Variants in SMC6 observed in about 807,000 individuals in gnomAD.
SMC6 encodes the protein structural maintenance of chromosomes 6.
A neutral mutation model predicts 142.2 loss-of-function variants in SMC6; 79 were observed. The ratio of observed to expected loss-of-function variants is 0.56; its 90% CI spans 0.46 to 0.67. SMC6 has a LOEUF of 0.67. Ranked by LOEUF, SMC6 falls within the 30% of genes least tolerant of loss-of-function variation. The probability of loss-of-function intolerance (pLI) is 0.00; values close to 1 mark genes in which losing one functional copy is unlikely to be tolerated. For missense variants in SMC6, 1,072 were observed against 1,284.0 expected, an observed-to-expected ratio of 0.83 and a Z score of 2.52; for synonymous variants, 411 against 412.4, an observed-to-expected ratio of 1.00 and a Z score of 0.04.
chr2:17,753,632 C>G lies in SMC6; in HGVS notation c.-99G>C, dbSNP rs1176669870. ...GCGCGCGCCTTCACCCTACCGCCAA[C>G]AAGTCGAAGTCTCCCAAAGGAACCT... On this transcript the variant is annotated 5_prime_UTR_variant, in exon 1 of 28. Transcript: ENST00000448223. 1.3e-5 allele frequency: 2 copies of G among 152,192 alleles called. No individual in the cohort carries two copies. The allele number at this position is 152,192 out of a possible 1,614,324, so 9.4% of individuals were successfully genotyped here. A position where few individuals can be genotyped will look rare whatever the true frequency, so the allele number is the denominator to read the frequency against.
At position 17,716,842 on chromosome 2, in the gene SMC6, C is replaced by T. The variant is rs1343584010; in HGVS notation, c.1245G>A (p.Glu415=). The part of the protein sequence containing the change: ...ERQKKISWLK[E]RVKAFQNQEN... ...CTTGATTTTGAAAGGCCTTTACTCTCTCTTTTAACCAAGATATTTTTTTTT... is the reference window on the plus strand; with the variant it reads ...CTTGATTTTGAAAGGCCTTTACTCTTTCTTTTAACCAAGATATTTTTTTTT... Residue 415 remains glutamate (E), a synonymous_variant, in exon 14 of 28, where the codon GAG becomes GAA. Coordinates refer to ENST00000448223, the MANE Select transcript of SMC6 (RefSeq NM_001142286.2). The T allele has an allele frequency of 1.2e-6, 2 of 1,613,138 alleles. No individual in the cohort carries two copies. The highest frequency in any genetic ancestry group is 2.7e-5 in the African/African-American group (2 of 74,870).
chr2:17,691,990 A>C (rs1175741223), intron 23 of SMC6, among the ~76,000 whole-genome samples: 1 of 152,186 alleles, frequency 6.6e-6, no homozygotes, highest in Non-Finnish European at 1.5e-5. Context: ...TAGGAATCCA[A>C]CTTACAAGGG....
At position 17,683,672 on chromosome 2, in the gene SMC6, C is replaced by T; in HGVS notation, c.2770G>A (p.Glu924Lys). ...KFIKLLGEIM[E>K]HRFKTYQQFR... Reference sequence around the variant, plus strand: ...TGTTGATATGTCTTGAATCTGTGCTCCATGATTTCTCCCAGTAATTTAATA... The same window carrying T: ...TGTTGATATGTCTTGAATCTGTGCTTCATGATTTCTCCCAGTAATTTAATA... The change falls in exon 24 of 28, where the codon GAG becomes AAG. Residue 924 changes from glutamate to lysine, a missense_variant. This residue lies in a region of SMC6 where 994 missense variants were observed against 1,153.2 expected (regional missense o/e 0.86). Transcript: ENST00000448223. 1 of 1,612,178 alleles carries T rather than the reference C, an allele frequency of 6.2e-7. No homozygotes were observed. The highest frequency in any genetic ancestry group is 1.3e-5 in the African/African-American group (1 of 74,958).
At position 17,699,916 on chromosome 2, in the gene SMC6, C is replaced by T. The variant is rs77158086; in HGVS notation, c.2394+292G>A. ...ACAGAGACATTGTACACGTACGAGACGTCTCTGCTCCTGGTTCTGATTTTT... is the reference window on the plus strand; with the variant it reads ...ACAGAGACATTGTACACGTACGAGATGTCTCTGCTCCTGGTTCTGATTTTT... On this transcript the variant is annotated intron_variant, in intron 21 of 27. Transcript: ENST00000448223. 4.9e-3 allele frequency among the ~76,000 whole-genome samples: 738 copies of T among 151,730 alleles called. 4 individuals are homozygous for T. Among genetic ancestry groups the T allele is most frequent in the African/African-American group, 0.017 (683 of 41,374 alleles).
chr2:17,751,993 T>C (rs1005117369), intron 2 of SMC6, among the ~76,000 whole-genome samples: 2 of 152,246 alleles, frequency 1.3e-5, no homozygotes, highest in African/African-American at 2.4e-5. Context: ...TTCACTGTAA[T>C]ACCTTTAACA....
At position 17,714,887 on chromosome 2, in the gene SMC6, C is replaced by G. The variant is rs1490715157; in HGVS notation, c.1704G>C (p.Arg568=). 1.2e-6 allele frequency: 2 copies of G among 1,612,964 alleles called. No homozygotes were observed. Among genetic ancestry groups the G allele is most frequent in the Admixed American group, 1.7e-5 (1 of 59,594 alleles). Residue 568 remains arginine, a synonymous_variant, in exon 16 of 28, where the codon CGG becomes CGC. Transcript: ENST00000448223. ...SRPPIIVSEF[R]NEIYDVRHRA... ...TGTGTCTTACATCATATATCTCATT[C>G]CGAAACTCAGAAACTATTATCGGTG...
chr2:17,695,013 T>C lies in SMC6; in HGVS notation c.2678+139A>G, dbSNP rs897930877. ...TACTATTTATTGAGAATAATACACA[T>C]ATAAAGGACTACTTCAGCTATAACT... On this transcript the variant is annotated intron_variant, in intron 23 of 27. Coordinates refer to ENST00000448223, the MANE Select transcript of SMC6 (RefSeq NM_001142286.2). 1.9e-5 allele frequency: 16 copies of C among 859,818 alleles called. No homozygotes were observed. The African/African-American group carries it at 2.7e-4, about 15-fold the overall frequency. The allele number at this position is 859,818 out of a possible 1,614,324, so 53.3% of individuals were successfully genotyped here. A position where few individuals can be genotyped will look rare whatever the true frequency, so the allele number is the denominator to read the frequency against.
At chr2:17,723,094 A>C (rs1452854760) in intron 9 of SMC6, among the ~76,000 whole-genome samples, 1 of 151,962 alleles carries the variant, frequency 6.6e-6, no homozygotes, top group Admixed American at 6.6e-5. Context: ...CTACTAAAGT[A>C]ATTAATCTGG....
intron 23 of SMC6, among the ~76,000 whole-genome samples, chr2:17,685,590 C>T (rs949384330): frequency 2.0e-5 from 3 of 151,844 alleles, no homozygotes; most frequent in Non-Finnish European, 4.4e-5. Context: ...TCACACCATA[C>T]ATAAAAATAA....
At chr2:17,714,343 C>T (rs1052147989) in intron 16 of SMC6, among the ~76,000 whole-genome samples, 2 of 152,144 alleles carry the variant, frequency 1.3e-5, no homozygotes, top group African/African-American at 4.8e-5. Context: ...ATCTGCCCGC[C>T]TTGGCCTACC....
chr2:17,669,135 A>T (rs1441044644), intron 26 of SMC6, among the ~76,000 whole-genome samples: 3 of 152,224 alleles, frequency 2.0e-5, no homozygotes, highest in Non-Finnish European at 4.4e-5. Flanking sequence ...GACTTGAACA[A>T]GGAAGAATCA....
At position 17,740,950 on chromosome 2, in the gene SMC6, T is replaced by G. The variant is rs563325899; in HGVS notation, c.238+662A>C. On this transcript the variant is annotated intron_variant, in intron 4 of 27. Transcript: ENST00000448223. ...CTGTCTTCAAAATAAAACTTCAAACTCTTTAACATGACATTCAAGATCCTC... is the reference window on the plus strand; with the variant it reads ...CTGTCTTCAAAATAAAACTTCAAACGCTTTAACATGACATTCAAGATCCTC... 1.1e-4 allele frequency: 32 copies of G among 285,394 alleles called. No homozygotes were observed. In the East Asian group the frequency reaches 2.5e-3, roughly 23 times the overall value. The allele number at this position is 285,394 out of a possible 1,614,324, so 17.7% of individuals were successfully genotyped here. A position where few individuals can be genotyped will look rare whatever the true frequency, so the allele number is the denominator to read the frequency against.
In SMC6 at chr2:17,728,397, G is replaced by A. The variant is rs1178138551; in HGVS notation, c.544-1928C>T. 4.6e-5 allele frequency among the ~76,000 whole-genome samples: 7 copies of A among 152,258 alleles called. No individual in the cohort carries two copies. The East Asian group carries it at 1.4e-3, about 29-fold the overall frequency. On this transcript the variant is annotated intron_variant, in intron 7 of 27. Coordinates refer to ENST00000448223, the MANE Select transcript of SMC6 (RefSeq NM_001142286.2). ...TGCAGGGAGTCGTGATCATGCTGCT[G>A]CATTCCAGCCTGGGCGACAGAGTGA...
chr2:17,666,363 G>A lies in SMC6; in HGVS notation c.3161+57C>T. 3 of 1,245,618 alleles carry A rather than the reference G, an allele frequency of 2.4e-6. No homozygotes were observed. In the African/African-American group the frequency reaches 4.5e-5, roughly 19 times the overall value. The allele number at this position is 1,245,618 out of a possible 1,614,324, so 77.2% of individuals were successfully genotyped here. A position where few individuals can be genotyped will look rare whatever the true frequency, so the allele number is the denominator to read the frequency against. ...TATTTTAAAAATTAAAATTGTAAAA[G>A]ATTTCTTTCCCCCTTTTATATACTT... is the stretch of plus-strand genomic sequence containing the variant. On this transcript the variant is annotated intron_variant, in intron 27 of 27. Coordinates refer to ENST00000448223, the MANE Select transcript of SMC6 (RefSeq NM_001142286.2).
At chr2:17,721,375 T>A in intron 9 of SMC6, 114 bp from the exon 10 acceptor site, 1 of 1,024,148 alleles carries the variant, frequency 9.8e-7, no homozygotes, top group African/African-American at 1.7e-5. Context: ...TAAATATTCG[T>A]TTAAAAATAA....
chr2:17,715,025 A>G lies in SMC6; in HGVS notation c.1566T>C (p.Ala522=), dbSNP rs1258420792. Residue 522 remains alanine (A), a synonymous_variant, in exon 16 of 28, where the codon GCT becomes GCC. Transcript: ENST00000448223. Reference sequence around the variant, plus strand: ...GAAGCCCTTTTAAGCAAGATTCAATAGCCAAAGCAAGTTCTGGGTCCCGAA... The same window carrying G: ...GAAGCCCTTTTAAGCAAGATTCAATGGCCAAAGCAAGTTCTGGGTCCCGAA... The part of the protein sequence containing the change: ...IHLRDPELAL[A]IESCLKGLLQ... 2 of 1,613,810 alleles carry G rather than the reference A, an allele frequency of 1.2e-6. No individual in the cohort carries two copies. Among genetic ancestry groups the G allele is most frequent in the African/African-American group, 2.7e-5 (2 of 74,918 alleles).
At chr2:17,695,408 G>T in intron 22 of SMC6, 111 bp from the exon 23 acceptor site, 1 of 796,784 alleles carries the variant, frequency 1.3e-6, no homozygotes, top group African/African-American at 1.8e-5. Context: ...TTTAAGAAAT[G>T]TATTTTAATT....
chr2:17,678,404 C>T (rs1159156281), intron 25 of SMC6, among the ~76,000 whole-genome samples: 1 of 152,092 alleles, frequency 6.6e-6, no homozygotes, highest in Non-Finnish European at 1.5e-5. Context: ...AAATTCAACA[C>T]CTTGGCAAAG....
chr2:17,665,537 T>C lies in SMC6; in HGVS notation c.3238A>G (p.Arg1080Gly). Residue 1080 changes from arginine (R) to glycine (G), a missense_variant, in exon 28 of 28, where the codon AGA (arginine) becomes GGA (glycine). Physicochemically the swap from Arg to Gly is moderately radical, Grantham distance 125. Coordinates refer to ENST00000448223, the MANE Select transcript of SMC6 (RefSeq NM_001142286.2). The part of the protein sequence containing the change: ...PERGQTTLPF[R>G]PVTQEEDDDQ... ...TCATCTTCTTCTTGAGTCACAGGTC[T>C]GAAAGGCAATGTAGTTTGTCCTCTT... 1 of 1,611,510 alleles carries C rather than the reference T, an allele frequency of 6.2e-7. No individual in the cohort carries two copies. Among genetic ancestry groups the C allele is most frequent in the Admixed American group, 1.7e-5 (1 of 59,794 alleles).
Sources: gnomAD v4.1 joint callset for allele counts (sites outside exome capture counted in the v4.1 genomes callset) on GRCh38, gnomAD v4.1.1 for gene constraint, gnomAD v4.1.1 regional missense constraint, MANE v1.5 for transcripts, NCBI Gene and HGNC (gene_info 2026-07-23, HGNC 2026-07-21) for gene names.